RBFOX1: variants seen among roughly 807,000 people sequenced by gnomAD.
RBFOX1 encodes RNA binding fox-1 homolog 1, also known as RNA binding protein fox-1 homolog 1.
A neutral mutation model predicts 57.7 loss-of-function variants in RBFOX1; 8 were observed. The observed-to-expected ratio is 0.14, with a 90% CI of 0.08 to 0.25. The LOEUF (loss-of-function observed/expected upper bound fraction) is 0.25, where lower values mean the gene tolerates loss of function less well. Among genes scored for constraint, RBFOX1 ranks in the 10% least tolerant of loss-of-function variants. The probability of loss-of-function intolerance (pLI) is 1.00; values close to 1 mark genes in which losing one functional copy is unlikely to be tolerated. For missense variants in RBFOX1, 611 were observed against 548.5 expected (o/e 1.11, Z -1.14); for synonymous variants, 326 against 222.4 (o/e 1.47, Z -4.15).
chr16:5,696,099 T>G (rs545428566), intron 3 of RBFOX1, among the ~76,000 whole-genome samples: 26 of 152,282 alleles, frequency 1.7e-4, no homozygotes, highest in African/African-American at 6.0e-4. Context: ...GAGAAGAATA[T>G]AGTGAACCTC....
intron 4 of RBFOX1, among the ~76,000 whole-genome samples, chr16:7,398,201 C>A (rs2148694395): frequency 6.6e-6 from 1 of 152,334 alleles, no homozygotes; most frequent in African/African-American, 2.4e-5. Flanking sequence ...GACGCTTATG[C>A]TTAAAGCATC....
chr16:7,253,588 G>T (rs558952642), intron 4 of RBFOX1, among the ~76,000 whole-genome samples: 25 of 152,230 alleles, frequency 1.6e-4, no homozygotes, highest in African/African-American at 5.8e-4. Flanking sequence ...CTGTCTGAAT[G>T]CTCTCATTTC....
intron 2 of RBFOX1, among the ~76,000 whole-genome samples, chr16:6,621,690 C>T (rs1393040858): frequency 1.3e-5 from 2 of 152,140 alleles, no homozygotes; most frequent in Admixed American, 6.6e-5. Flanking sequence ...ACAGAGCAAA[C>T]CCCAGAAATA....
intron 14 of RBFOX1, among the ~76,000 whole-genome samples, chr16:7,693,026 G>A (rs889191337): frequency 6.6e-6 from 1 of 152,056 alleles, no homozygotes; most frequent in African/African-American, 2.4e-5. Context: ...AATTTGAAAT[G>A]CTTTAGCCTT....
intron 3 of RBFOX1, among the ~76,000 whole-genome samples, chr16:5,682,303 G>A (rs757341084): frequency 1.3e-5 from 2 of 152,224 alleles, no homozygotes; most frequent in East Asian, 1.9e-4. Flanking sequence ...TGGGGTGGGA[G>A]TGGGTCTGAA....
At chr16:5,313,913 G>A (rs2064160316) in intron 1 of RBFOX1, among the ~76,000 whole-genome samples, 1 of 152,100 alleles carries the variant, frequency 6.6e-6, no homozygotes, top group African/African-American at 2.4e-5. Context: ...GGTGGGTGGT[G>A]ATAGCCTGAG....
Position 7,599,998 on chromosome 16 carries a change from A to G in RBFOX1, c.622+2567A>G, listed in dbSNP as rs374492212. Among the ~76,000 whole-genome samples the G allele has an allele frequency of 1.1e-4, 17 of 152,258 alleles. No homozygotes were observed. The East Asian group carries it at 2.9e-3, about 26-fold the overall frequency. Reference sequence around the variant, plus strand: ...GTGACCATGCCTGTGTGTATCAGGCATCGCTTTCCCTTTGTCTTCTTGTAG... The same window carrying G: ...GTGACCATGCCTGTGTGTATCAGGCGTCGCTTTCCCTTTGTCTTCTTGTAG... On this transcript the variant is annotated intron_variant, in intron 9 of 15. Coordinates refer to ENST00000550418, the MANE Select transcript of RBFOX1 (RefSeq NM_018723.4).
At chr16:6,687,533 C>G (rs1209342795) in intron 3 of RBFOX1, among the ~76,000 whole-genome samples, 1 of 152,202 alleles carries the variant, frequency 6.6e-6, no homozygotes, top group African/African-American at 2.4e-5. Context: ...CAGTAACAAA[C>G]ATGTCCTGAT....
intron 4 of RBFOX1, among the ~76,000 whole-genome samples, chr16:7,373,630 C>T (rs2097619598): frequency 6.6e-6 from 1 of 151,828 alleles, no homozygotes; most frequent in Non-Finnish European, 1.5e-5. Flanking sequence ...GGAAACAGGG[C>T]TTCTGCTATT....
chr16:5,616,659 C>G (rs1354258063), intron 3 of RBFOX1, among the ~76,000 whole-genome samples: 1 of 131,216 alleles, frequency 7.6e-6, no homozygotes, highest in Non-Finnish European at 1.8e-5. Flanking sequence ...CCTCTGCTTC[C>G]TCCCCCTCAT....
intron 3 of RBFOX1, among the ~76,000 whole-genome samples, chr16:6,921,521 T>G (rs1032513590): frequency 2.6e-5 from 4 of 152,166 alleles, no homozygotes; most frequent in Non-Finnish European, 4.4e-5. Context: ...AGGTCACCCA[T>G]AGTTCCTTCC....
intron 2 of RBFOX1, among the ~76,000 whole-genome samples, chr16:6,376,283 TTTTG>T (rs1351903022): frequency 7.2e-6 from 1 of 138,130 alleles, no homozygotes; most frequent in African/African-American, 2.7e-5. Context: ...TTGTGTTGGG[TTTTG>T]TTTGTTTGTT....
chr16:6,830,254 C>G (rs555769898), intron 3 of RBFOX1, among the ~76,000 whole-genome samples: 1 of 152,144 alleles, frequency 6.6e-6, no homozygotes, highest in Admixed American at 6.6e-5. Flanking sequence ...ACATCAGTAT[C>G]TAAGAAAAGA....
intron 3 of RBFOX1, among the ~76,000 whole-genome samples, chr16:6,709,424 A>T (rs2063343106): frequency 6.6e-6 from 1 of 152,208 alleles, no homozygotes; most frequent in Middle Eastern, 3.2e-3. Context: ...GGTTTAAAAA[A>T]ATACTGAGAA....
intron 3 of RBFOX1, among the ~76,000 whole-genome samples, chr16:6,897,541 C>G (rs753204414): frequency 6.6e-6 from 1 of 152,224 alleles, no homozygotes; most frequent in Admixed American, 6.5e-5. Flanking sequence ...CGCCTGTAAT[C>G]CCAACACTTT....
intron 2 of RBFOX1, among the ~76,000 whole-genome samples, chr16:6,382,144 C>T (rs980527709): frequency 6.6e-6 from 1 of 152,182 alleles, no homozygotes; most frequent in African/African-American, 2.4e-5. Context: ...AATTTCCCAT[C>T]ATTTTCATGT....
chr16:6,218,689 T>G (rs1424662339), intron 1 of RBFOX1, among the ~76,000 whole-genome samples: 1 of 152,172 alleles, frequency 6.6e-6, no homozygotes, highest in Non-Finnish European at 1.5e-5. Flanking sequence ...CAGGATATCA[T>G]TGTTCTACAT....
chr16:5,885,767 C>G (rs1474166727), intron 4 of RBFOX1, among the ~76,000 whole-genome samples: 1 of 152,118 alleles, frequency 6.6e-6, no homozygotes, highest in Non-Finnish European at 1.5e-5. Context: ...CATTCATTGA[C>G]AAACCTTCAC....
intron 4 of RBFOX1, chr16:7,126,346 G>C (rs1045133880): frequency 7.5e-6 from 2 of 267,248 alleles, no homozygotes; most frequent in Non-Finnish European, 7.3e-6. Context: ...CTAAATCGAG[G>C]TGGGGGTTTT....
Sources: gnomAD v4.1 joint callset for allele counts (sites outside exome capture counted in the v4.1 genomes callset) on GRCh38, gnomAD v4.1.1 for gene constraint, MANE v1.5 for transcripts, NCBI Gene and HGNC (gene_info 2026-07-23, HGNC 2026-07-21) for gene names.